The following NBAS variants were observed in gnomAD, a reference collection of about 807,000 sequenced individuals.
NBAS encodes NBAS subunit of NRZ tethering complex, also known as NAG/BC035112 fusion.
Under a neutral mutation model 302.5 loss-of-function variants are expected in NBAS, and 219 were observed. The ratio of observed to expected loss-of-function variants is 0.72; its 90% CI spans 0.65 to 0.81. The LOEUF is 0.81. NBAS is among the 30% of genes least tolerant of loss of function. NBAS has a pLI of 0.00. For synonymous variants in NBAS, 1,118 were observed against 1,021.6 expected (o/e 1.09, Z -1.80); for missense variants, 2,932 against 2,841.6 (o/e 1.03, Z -0.72).
chr2:15,555,164 T>C (rs1028963627), intron 3 of NBAS, among the ~76,000 whole-genome samples: 4 of 151,934 alleles, frequency 2.6e-5, no homozygotes, highest in South Asian at 2.1e-4. Flanking sequence ...GGCAGGAGGA[T>C]TGCTTGAGCA....
At chr2:15,160,585 C>CGGGGGGGGGGGG in the NBAS span, among the ~76,000 whole-genome samples, 4 of 92,274 alleles carry the variant, frequency 4.3e-5, no homozygotes, top group Admixed American at 1.1e-4. Flanking sequence ...CCAGTGTGGG[C>CGGGGGGGGGGGG]GGGGGGAGGG....
rs575469224 is a variant in NBAS, at chr2:15,303,333, C to A, written c.4797+4883G>T. On this transcript the variant is annotated intron_variant, in intron 40 of 51. Coordinates refer to ENST00000281513, the MANE Select transcript of NBAS (RefSeq NM_015909.4). ...AAAGGAATAAAAACCCAGATGTATT[C>A]TTTATACCACAATGTCAAGCTCTAT... Among the ~76,000 whole-genome samples the A allele has an allele frequency of 7.9e-5, 12 of 152,228 alleles. No individual in the cohort carries two copies. The South Asian group carries it at 1.5e-3, about 18-fold the overall frequency.
rs148081658 is a variant in NBAS, at chr2:15,485,510, T to C, written c.1083+3384A>G. 9.2e-5 allele frequency among the ~76,000 whole-genome samples: 14 copies of C among 152,364 alleles called. No individual in the cohort carries two copies. The Middle Eastern group carries it at 0.014, about 148-fold the overall frequency. ...CCCACACAGTCATGGAAAGAACATA[T>C]GCATCAGTGTCAGAGAGGTATAAAA... is the stretch of plus-strand genomic sequence containing the variant. On this transcript the variant is annotated intron_variant, in intron 12 of 51. Coordinates refer to ENST00000281513, the MANE Select transcript of NBAS (RefSeq NM_015909.4).
chr2:15,053,130 TTA>T, the NBAS span, among the ~76,000 whole-genome samples: 1 of 152,162 alleles, frequency 6.6e-6, no homozygotes, highest in Non-Finnish European at 1.5e-5. Context: ...AAGCCAGAAA[TTA>T]TGTCATTTGC....
intron 21 of NBAS, among the ~76,000 whole-genome samples, chr2:15,432,236 C>A (rs1677800574): frequency 6.6e-6 from 1 of 150,940 alleles, no homozygotes. Flanking sequence ...TATTTTTCCC[C>A]TGCTTGGGAA....
chr2:15,049,801 G>T, the NBAS span, among the ~76,000 whole-genome samples: 13 of 152,300 alleles, frequency 8.5e-5, no homozygotes, highest in South Asian at 2.7e-3. Context: ...CTGAGCCAGG[G>T]GAGCTTCCAG....
Position 15,473,477 on chromosome 2 carries a change from C to A in NBAS, c.1600-130G>T, listed in dbSNP as rs1280717575. On this transcript the variant is annotated intron_variant, in intron 15 of 51. Transcript: ENST00000281513. ...TGTCACTAATTCCTGTGCACTGTGG[C>A]ACCAGAAGCTCACAGATATTTTGAG... 4.3e-6 allele frequency: 5 copies of A among 1,172,934 alleles called. No homozygotes were observed. In the African/African-American group the frequency reaches 7.6e-5, roughly 18 times the overall value. The allele number at this position is 1,172,934 out of a possible 1,614,324, so 72.7% of individuals were successfully genotyped here. A position where few individuals can be genotyped will look rare whatever the true frequency, so the allele number is the denominator to read the frequency against.
chr2:15,147,564 C>G, the NBAS span, among the ~76,000 whole-genome samples: 1 of 152,052 alleles, frequency 6.6e-6, no homozygotes, highest in African/African-American at 2.4e-5. Flanking sequence ...TGCACTCCAG[C>G]CTGGGCAACA....
chr2:14,927,663 C>G, the NBAS span, among the ~76,000 whole-genome samples: 8 of 152,324 alleles, frequency 5.3e-5, no homozygotes, highest in Admixed American at 3.3e-4. Flanking sequence ...GCACTGCATT[C>G]CCACTAGCAA....
the NBAS span, among the ~76,000 whole-genome samples, chr2:14,839,729 C>G: frequency 4.6e-5 from 7 of 152,008 alleles, no homozygotes; most frequent in Non-Finnish European, 8.8e-5. Flanking sequence ...GAAAAAGAAG[C>G]AGCAACCTAG....
At chr2:14,912,392 C>A in the NBAS span, among the ~76,000 whole-genome samples, 1 of 152,116 alleles carries the variant, frequency 6.6e-6, no homozygotes, top group Non-Finnish European at 1.5e-5. Flanking sequence ...AAGCCTAACT[C>A]CAAATTTCAC....
At position 15,530,902 on chromosome 2, in the gene NBAS, T is replaced by C. The variant is rs1663183849; in HGVS notation, c.746+3641A>G. Reference sequence around the variant, plus strand: ...AACGCCAGGGGAAAAAAAAAGAAAATCTTAGATCTCAGAGAGGAAGACGAC... The same window carrying C: ...AACGCCAGGGGAAAAAAAAAGAAAACCTTAGATCTCAGAGAGGAAGACGAC... On this transcript the variant is annotated intron_variant, in intron 9 of 51. Transcript: ENST00000281513. 2.0e-5 allele frequency among the ~76,000 whole-genome samples: 3 copies of C among 149,716 alleles called. No individual in the cohort carries two copies. In the South Asian group the frequency reaches 6.3e-4, roughly 32 times the overall value.
At chr2:14,874,532 T>C in the NBAS span, among the ~76,000 whole-genome samples, 6 of 149,640 alleles carry the variant, frequency 4.0e-5, no homozygotes, top group Admixed American at 1.3e-4. Flanking sequence ...CCCAGCTACT[T>C]GGGAGGCTGA....
chr2:15,214,356 G>A (rs1321857613), intron 48 of NBAS, among the ~76,000 whole-genome samples: 1 of 152,202 alleles, frequency 6.6e-6, no homozygotes, highest in East Asian at 1.9e-4. Flanking sequence ...GATTTGTGGA[G>A]AATTAAGACA....
chr2:15,450,932 T>C (rs975597020), intron 21 of NBAS, among the ~76,000 whole-genome samples: 26 of 152,210 alleles, frequency 1.7e-4, no homozygotes, highest in African/African-American at 6.0e-4. Context: ...ATTCTTCTTA[T>C]GGAAGACAAC....
chr2:15,205,458 C>A (rs1380210045), intron 48 of NBAS, among the ~76,000 whole-genome samples: 1 of 138,344 alleles, frequency 7.2e-6, no homozygotes, highest in Non-Finnish European at 1.5e-5. Context: ...AATCAAAAGA[C>A]ATAGAGTGGT....
At chr2:15,134,895 G>C in the NBAS span, among the ~76,000 whole-genome samples, 2 of 152,188 alleles carry the variant, frequency 1.3e-5, no homozygotes, top group Non-Finnish European at 2.9e-5. Context: ...ATGGGTCGGA[G>C]CTTGTTTGGA....
At chr2:14,989,293 A>ATGTGTGTATGTG in the NBAS span, among the ~76,000 whole-genome samples, 1 of 148,024 alleles carries the variant, frequency 6.8e-6, no homozygotes, top group Non-Finnish European at 1.5e-5. Flanking sequence ...ATGTATGTGT[A>ATGTGTGTATGTG]TGTGTGTGTG....
At chr2:15,184,291 C>G (rs1366683937) in intron 50 of NBAS, among the ~76,000 whole-genome samples, 1 of 151,988 alleles carries the variant, frequency 6.6e-6, no homozygotes, top group African/African-American at 2.4e-5. Flanking sequence ...ATAGTCCACC[C>G]CATGGAGGGG....
Sources: gnomAD v4.1 joint callset for allele counts (sites outside exome capture counted in the v4.1 genomes callset) on GRCh38, gnomAD v4.1.1 for gene constraint, MANE v1.5 for transcripts, NCBI Gene and HGNC (gene_info 2026-07-23, HGNC 2026-07-21) for gene names.